FGD3: variants seen among roughly 807,000 people sequenced by gnomAD.
FGD3 encodes the protein FYVE, RhoGEF and PH domain-containing protein 3.
FGD3 carries 45 observed loss-of-function variants against 71.8 expected under a neutral mutation model. The ratio of observed to expected loss-of-function variants is 0.63; its 90% CI spans 0.49 to 0.80. FGD3 has a LOEUF of 0.80. Ranked by LOEUF, FGD3 falls within the 30% of genes least tolerant of loss-of-function variation. The pLI is 0.00. For missense variants in FGD3, 844 were observed against 951.5 expected (o/e 0.89, Z 1.49); for synonymous variants, 378 against 392.8 (o/e 0.96, Z 0.44).
intron 3 of FGD3, among the ~76,000 whole-genome samples, chr9:93,001,321 AT>A (rs1475841347): frequency 1.3e-5 from 2 of 151,556 alleles, no homozygotes; most frequent in Non-Finnish European, 2.9e-5. Flanking sequence ...GAAGTTTTTT[AT>A]TTTGTTCCTT....
chr9:92,959,625 C>T (rs7032142), intron 1 of FGD3, among the ~76,000 whole-genome samples: 36 of 143,446 alleles, frequency 2.5e-4, no homozygotes, highest in Non-Finnish European at 4.3e-4. Flanking sequence ...GAGGATCCCT[C>T]GAGCACAGGA....
intron 14 of FGD3, among the ~76,000 whole-genome samples, chr9:93,023,064 C>T (rs1308853514): frequency 6.6e-6 from 1 of 152,188 alleles, no homozygotes; most frequent in African/African-American, 2.4e-5. Flanking sequence ...ATCATTGGTG[C>T]CCAGGCCTGG....
intron 3 of FGD3, among the ~76,000 whole-genome samples, chr9:93,000,059 T>C (rs1860805930): frequency 6.6e-6 from 1 of 151,928 alleles, no homozygotes; most frequent in South Asian, 2.1e-4. Flanking sequence ...TGATTTTTTT[T>C]TGTAGTGATA....
In FGD3 at chr9:93,029,015, T is replaced by G. The variant is rs1310893169; in HGVS notation, c.1558-859T>G. On this transcript the variant is annotated intron_variant, in intron 14 of 17. Transcript: ENST00000375482. ...TCACAGTTTTTTTTTTTTTTTTTTT[T>G]TTTTTTTTTTTTTTTTTTTTTTGAG... 2.7e-3 allele frequency among the ~76,000 whole-genome samples: 346 copies of G among 127,202 alleles called. 7 individuals are homozygous for G. Among genetic ancestry groups the G allele is most frequent in the African/African-American group, 9.8e-3 (328 of 33,578 alleles). The allele number at this position is 127,202 out of a possible 152,430, so 83.4% of individuals were successfully genotyped here.
intron 3 of FGD3, among the ~76,000 whole-genome samples, chr9:92,999,224 G>A (rs999966848): frequency 7.9e-5 from 12 of 152,210 alleles, no homozygotes; most frequent in African/African-American, 2.9e-4. Flanking sequence ...ATCTCAGACT[G>A]CTGTGCAAGC....
intron 6 of FGD3, among the ~76,000 whole-genome samples, 191 bp from the exon 7 acceptor site, chr9:93,010,055 T>C (rs1314160716): frequency 6.6e-6 from 1 of 152,156 alleles, no homozygotes; most frequent in Admixed American, 6.5e-5. Context: ...TCTTGCTCCA[T>C]TGGTCAGTCT....
chr9:92,954,769 C>T (rs1859018087), intron 1 of FGD3, among the ~76,000 whole-genome samples: 1 of 152,182 alleles, frequency 6.6e-6, no homozygotes. Context: ...GCCCTGGCCT[C>T]CTGGTTCCCC....
At position 93,023,639 on chromosome 9, in the gene FGD3, C is replaced by T. The variant is rs772583040; in HGVS notation, c.1557+1250C>T. ...GTCTGGCCTCACCCAGCTTCCTGGC[C>T]ACCCTCCCCTGAGATGCCCTGGGTT... On this transcript the variant is annotated intron_variant, in intron 14 of 17. Coordinates refer to ENST00000375482, the MANE Select transcript of FGD3 (RefSeq NM_001083536.2). Among the ~76,000 whole-genome samples the T allele has an allele frequency of 4.8e-4, 73 of 152,054 alleles. 1 individual carries two copies. Among genetic ancestry groups the T allele is most frequent in the Admixed American group, 1.3e-4 (2 of 15,270 alleles).
Position 93,035,629 on chromosome 9 carries a change from C to A in FGD3, c.*40C>A. On this transcript the variant is annotated 3_prime_UTR_variant, in exon 18 of 18. Coordinates refer to ENST00000375482, the MANE Select transcript of FGD3 (RefSeq NM_001083536.2). Reference sequence around the variant, plus strand: ...TGCCCTGCACACCACCACATTGGACCTGTGCTGTCCTGGGAGGTGGTGTTG... The same window carrying A: ...TGCCCTGCACACCACCACATTGGACATGTGCTGTCCTGGGAGGTGGTGTTG... 6.5e-7 allele frequency: 1 copy of A among 1,545,532 alleles called. No homozygotes were observed.
chr9:92,968,341 C>T (rs1442065613), intron 1 of FGD3, among the ~76,000 whole-genome samples: 1 of 152,110 alleles, frequency 6.6e-6, no homozygotes. Flanking sequence ...GGAGGTGCTG[C>T]GTTGATCTGC....
At chr9:92,968,607 CTTT>C (rs55908030) in intron 1 of FGD3, among the ~76,000 whole-genome samples, 5 of 143,026 alleles carry the variant, frequency 3.5e-5, no homozygotes, top group Admixed American at 7.0e-5. Flanking sequence ...TTCTTTCTTT[CTTT>C]TTTTTTTTTT....
chr9:93,033,897 C>T (rs1862477436), intron 16 of FGD3: 1 of 152,236 alleles, frequency 6.6e-6, no homozygotes, highest in East Asian at 1.9e-4. Context: ...GTTGAATGGT[C>T]TTGATGGTGA....
At chr9:93,011,673 TG>T (rs1861392455) in intron 8 of FGD3, among the ~76,000 whole-genome samples, 4 of 150,682 alleles carry the variant, frequency 2.7e-5, no homozygotes, top group Admixed American at 2.6e-4. Flanking sequence ...CTGGCCAATA[TG>T]GTGAAACCCC....
chr9:92,989,090 A>T (rs1364236312), intron 3 of FGD3, among the ~76,000 whole-genome samples: 1 of 151,986 alleles, frequency 6.6e-6, no homozygotes, highest in Non-Finnish European at 1.5e-5. Context: ...TTGCTCTGTC[A>T]CCCAGGCTGG....
At chr9:93,008,840 T>C (rs1476679719) in intron 6 of FGD3, among the ~76,000 whole-genome samples, 1 of 151,804 alleles carries the variant, frequency 6.6e-6, no homozygotes, top group Non-Finnish European at 1.5e-5. Context: ...GGCACACTCA[T>C]ACCTGTAATC....
chr9:93,012,102 C>T (rs545450502), intron 8 of FGD3, among the ~76,000 whole-genome samples: 12 of 148,192 alleles, frequency 8.1e-5, no homozygotes, highest in South Asian at 2.1e-4. Flanking sequence ...TGCAGTGAGC[C>T]GAGATCGCGC....
intron 1 of FGD3, among the ~76,000 whole-genome samples, chr9:92,949,949 C>G (rs553652115): frequency 2.0e-5 from 3 of 152,294 alleles, no homozygotes; most frequent in African/African-American, 7.2e-5. Context: ...GCTAATTCAT[C>G]AACTCCCTTT....
chr9:93,022,476 G>A, intron 14 of FGD3, 87 bp downstream of exon 14: 1 of 1,457,196 alleles, frequency 6.9e-7, no homozygotes. Context: ...GATGGAGAGG[G>A]AGGGTCAGAC....
intron 8 of FGD3, among the ~76,000 whole-genome samples, chr9:93,012,473 T>C (rs1321651667): frequency 1.3e-5 from 2 of 152,092 alleles, no homozygotes; most frequent in Non-Finnish European, 2.9e-5. Context: ...CCTGAGCCCA[T>C]GGCAACTTTG....
Sources: allele counts gnomAD v4.1 joint callset (sites outside exome capture counted in the v4.1 genomes callset), GRCh38; gene constraint gnomAD v4.1.1; transcripts MANE v1.5; gene names NCBI Gene and HGNC (gene_info 2026-07-23, HGNC 2026-07-21).